MTMR7: variants seen among roughly 807,000 people sequenced by gnomAD.
MTMR7 encodes phosphatidylinositol-3-phosphate phosphatase MTMR7.
A neutral mutation model predicts 81.2 loss-of-function variants in MTMR7; 76 were observed. The observed-to-expected ratio is 0.94, with a 90% CI of 0.78 to 1.13. The LOEUF (loss-of-function observed/expected upper bound fraction) is 1.13. Ranked by LOEUF, MTMR7 falls within the 50% of genes most tolerant of loss-of-function variation. MTMR7 has a pLI of 0.00. For missense variants in MTMR7, 1,044 were observed against 820.0 expected, an observed-to-expected ratio of 1.27 and a Z score of -3.34; for synonymous variants, 372 against 289.8, an observed-to-expected ratio of 1.28 and a Z score of -2.88.
In MTMR7 at chr8:17,299,615, T is replaced by C. The variant is rs1816965204; in HGVS notation, c.*247A>G. On this transcript the variant is annotated 3_prime_UTR_variant, in exon 14 of 14. Coordinates refer to ENST00000180173, the MANE Select transcript of MTMR7 (RefSeq NM_004686.5). ...AGTAATTGCTCTGCAGTGAATATAA[T>C]TTTCATAGTCTAGGGTGAGCTTCAA... 4.1e-6 allele frequency: 2 copies of C among 491,814 alleles called. No individual in the cohort carries two copies. Among genetic ancestry groups the C allele is most frequent in the Non-Finnish European group, 7.3e-6 (2 of 275,416 alleles). The allele number at this position is 491,814 out of a possible 1,614,324, so 30.5% of individuals were successfully genotyped here. A position where few individuals can be genotyped will look rare whatever the true frequency, so the allele number is the denominator to read the frequency against.
intron 1 of MTMR7, among the ~76,000 whole-genome samples, chr8:17,392,943 A>G (rs1414022150): frequency 6.6e-6 from 1 of 152,218 alleles, no homozygotes; most frequent in Non-Finnish European, 1.5e-5. Context: ...AAAATGTACT[A>G]TGTGCCATGT....
At position 17,300,952 on chromosome 8, in the gene MTMR7, T is replaced by G. The variant is rs1359026286; in HGVS notation, c.1621-728A>C. Among the ~76,000 whole-genome samples the G allele has an allele frequency of 2.0e-5, 3 of 152,234 alleles. No individual in the cohort carries two copies. In the East Asian group the frequency reaches 5.8e-4, roughly 29 times the overall value. On this transcript the variant is annotated intron_variant, in intron 13 of 13. Coordinates refer to ENST00000180173, the MANE Select transcript of MTMR7 (RefSeq NM_004686.5). ...TCATGGTACAGCATGTATCAAGTAC[T>G]TCATTCCTTTTTCTGGCTGAACAGT...
chr8:17,329,459 T>C (rs2051659), intron 7 of MTMR7, among the ~76,000 whole-genome samples: 3,683 of 152,272 alleles, frequency 0.024, 68 homozygotes, highest in Non-Finnish European at 0.035. Context: ...GCATGTTCTT[T>C]AGAAAACAGT....
intron 7 of MTMR7, among the ~76,000 whole-genome samples, chr8:17,324,827 G>C (rs991782154): frequency 1.3e-4 from 20 of 152,090 alleles, no homozygotes; most frequent in African/African-American, 4.6e-4. Context: ...GTTATTATTG[G>C]TTATCTCCTC....
At chr8:17,328,722 T>A (rs905435192) in intron 7 of MTMR7, among the ~76,000 whole-genome samples, 1 of 151,878 alleles carries the variant, frequency 6.6e-6, no homozygotes, top group Non-Finnish European at 1.5e-5. Flanking sequence ...AAATTTTAAA[T>A]AAAAAAAGAA....
rs367618699 is a variant in MTMR7 at position 17,300,053 on chromosome 8, C to A, written c.1792G>T (p.Asp598Tyr). The change falls in exon 14 of 14, where the codon GAT becomes TAT. Residue 598 changes from aspartate (D) to tyrosine (Y), a missense_variant. Asp to Tyr is a radical substitution (Grantham distance 160, BLOSUM62 -3). Coordinates refer to ENST00000180173, the MANE Select transcript of MTMR7 (RefSeq NM_004686.5). ...SFPSRSPSQG[D>Y]EDSALILTQD... is the part of the protein sequence containing the mutation. ...GTTAGAATCAGAGCAGAATCTTCAT[C>A]GCCTTGTGAAGGGCTCCGGGATGGA... 6.2e-7 allele frequency: 1 copy of A among 1,614,144 alleles called. No homozygotes were observed. Among genetic ancestry groups the A allele is most frequent in the Non-Finnish European group, 8.5e-7 (1 of 1,180,022 alleles).
At chr8:17,375,986 C>T (rs73666127) in intron 1 of MTMR7, among the ~76,000 whole-genome samples, 41 of 152,148 alleles carry the variant, frequency 2.7e-4, no homozygotes, top group Non-Finnish European at 1.3e-4. Flanking sequence ...ACACTGTATA[C>T]ACTGCCACTG....
At position 17,387,865 on chromosome 8, in the gene MTMR7, T is replaced by A. The variant is rs373865876; in HGVS notation, c.25-14625A>T. On this transcript the variant is annotated intron_variant, in intron 1 of 13. Coordinates refer to ENST00000180173, the MANE Select transcript of MTMR7 (RefSeq NM_004686.5). ...AGGTAAAAAAAATTCTTGATGATTT[T>A]GGATAAGCCTGAGTGTTTATAAATG... is the stretch of plus-strand genomic sequence containing the variant. 1.7e-4 allele frequency among the ~76,000 whole-genome samples: 26 copies of A among 152,322 alleles called. 1 individual carries two copies. The highest frequency in any genetic ancestry group is 5.8e-4 in the African/African-American group (24 of 41,584).
At chr8:17,329,804 G>T (rs1201329542) in intron 7 of MTMR7, among the ~76,000 whole-genome samples, 1 of 152,154 alleles carries the variant, frequency 6.6e-6, no homozygotes, top group Non-Finnish European at 1.5e-5. Flanking sequence ...TCCAAAAGTT[G>T]AAGCTGCTCA....
intron 1 of MTMR7, among the ~76,000 whole-genome samples, chr8:17,378,677 G>A (rs1294794362): frequency 6.6e-6 from 1 of 152,136 alleles, no homozygotes; most frequent in Non-Finnish European, 1.5e-5. Flanking sequence ...GGAAATCTAT[G>A]CAAAAGATAT....
At chr8:17,398,688 G>A (rs1422178850) in intron 1 of MTMR7, among the ~76,000 whole-genome samples, 1 of 152,110 alleles carries the variant, frequency 6.6e-6, no homozygotes, top group East Asian at 1.9e-4. Flanking sequence ...TATGGTGTGT[G>A]AACTACTCTT....
chr8:17,413,308 G>C lies in MTMR7; in HGVS notation c.-16C>G, dbSNP rs912788148. The C allele has an allele frequency of 2.6e-6, 4 of 1,540,280 alleles. No individual in the cohort carries two copies. Among genetic ancestry groups the C allele is most frequent in the Non-Finnish European group, 3.5e-6 (4 of 1,141,574 alleles). On this transcript the variant is annotated 5_prime_UTR_variant, in exon 1 of 14. Transcript: ENST00000180173. ...TGTGCTCCATGGCTGGCCCACGTCT[G>C]CAGGGTCCCGGGCGGGCGCGGCCTC...
chr8:17,368,895 C>A (rs908473265), intron 3 of MTMR7, among the ~76,000 whole-genome samples: 2 of 152,158 alleles, frequency 1.3e-5, no homozygotes, highest in African/African-American at 4.8e-5. Context: ...CATCTAATAC[C>A]TAACTCCCTT....
chr8:17,377,219 A>C (rs1563367432), intron 1 of MTMR7, among the ~76,000 whole-genome samples: 1 of 152,150 alleles, frequency 6.6e-6, no homozygotes, highest in South Asian at 2.1e-4. Context: ...ACTTCTTTAC[A>C]CAGAAATCTT....
intron 5 of MTMR7, among the ~76,000 whole-genome samples, chr8:17,343,360 G>A (rs1022030410): frequency 9.9e-5 from 15 of 152,144 alleles, no homozygotes; most frequent in African/African-American, 3.6e-4. Context: ...AACCCGACAG[G>A]CAGAGTTTGC....
At chr8:17,364,577 G>A (rs190915767) in intron 3 of MTMR7, among the ~76,000 whole-genome samples, 11 of 151,994 alleles carry the variant, frequency 7.2e-5, no homozygotes, top group Admixed American at 1.3e-4. Flanking sequence ...ATCTCCCCAC[G>A]TCCCCCACCC....
chr8:17,395,781 G>C (rs1222536830), intron 1 of MTMR7, among the ~76,000 whole-genome samples: 1 of 152,156 alleles, frequency 6.6e-6, no homozygotes. Context: ...GTTGGCTGTG[G>C]TGTTGCACAT....
intron 1 of MTMR7, among the ~76,000 whole-genome samples, chr8:17,378,755 C>G (rs1046523714): frequency 1.3e-4 from 20 of 152,186 alleles, no homozygotes; most frequent in African/African-American, 4.8e-4. Flanking sequence ...TGGGACACAT[C>G]TGATGACTGA....
At chr8:17,361,973 C>A (rs144108540) in intron 3 of MTMR7, among the ~76,000 whole-genome samples, 3 of 152,150 alleles carry the variant, frequency 2.0e-5, no homozygotes, top group African/African-American at 7.2e-5. Flanking sequence ...TATATACTGC[C>A]TTTGATGCTT....
Sources: gnomAD v4.1 joint callset for allele counts (sites outside exome capture counted in the v4.1 genomes callset) on GRCh38, gnomAD v4.1.1 for gene constraint, MANE v1.5 for transcripts, NCBI Gene and HGNC (gene_info 2026-07-23, HGNC 2026-07-21) for gene names.